The following GIT2 variants were observed in gnomAD, a reference collection of about 807,000 sequenced individuals.
The protein encoded by GIT2 is ARF GTPase-activating protein GIT2.
In GIT2, 32 loss-of-function variants were observed where a neutral mutation model predicts 100.3. The observed-to-expected ratio is 0.32, with a 90% CI of 0.24 to 0.43. GIT2 has a LOEUF of 0.43. Ranked by LOEUF, GIT2 falls within the 20% of genes least tolerant of loss-of-function variation. The probability of loss-of-function intolerance (pLI) is 1.00; values close to 1 mark genes in which losing one functional copy is unlikely to be tolerated. For missense variants in GIT2, 737 were observed against 975.1 expected (o/e 0.76, Z 3.25); for synonymous variants, 353 against 364.1 (o/e 0.97, Z 0.35).
At chr12:109,952,661 C>CT in intron 13 of GIT2, 1 of 517,042 alleles carries the variant, frequency 1.9e-6, no homozygotes, top group Non-Finnish European at 3.9e-6. Context: ...AAGAGCTGTC[C>CT]TATGACACAG....
chr12:109,938,755 G>A lies in GIT2; in HGVS notation c.1815-187C>T, dbSNP rs1403202409. 1.8e-5 allele frequency: 10 copies of A among 541,900 alleles called. No individual in the cohort carries two copies. The East Asian group carries it at 2.4e-4, about 13-fold the overall frequency. The allele number at this position is 541,900 out of a possible 1,614,324, so 33.6% of individuals were successfully genotyped here. On this transcript the variant is annotated intron_variant, in intron 17 of 19. Transcript: ENST00000355312. ...GGCTATTTCACTCTACCATAGGGCTGGAAGTGTTGACTCTCACAGGAAGGG... is the reference window on the plus strand; with the variant it reads ...GGCTATTTCACTCTACCATAGGGCTAGAAGTGTTGACTCTCACAGGAAGGG...
upstream of GIT2, chr12:109,999,634 C>T (rs1889834813): frequency 6.9e-7 from 1 of 1,439,114 alleles, no homozygotes; most frequent in Admixed American, 2.3e-5. The surrounding 1 kb of genome is among the most constrained non-coding windows in gnomAD (Gnocchi z 4.3). Flanking sequence ...CGGGAGACCC[C>T]GCCGGGGCCG....
Position 109,951,267 on chromosome 12 carries a change from A to G in GIT2, c.1292T>C (p.Met431Thr). 1.9e-6 allele frequency: 3 copies of G among 1,611,972 alleles called. No individual in the cohort carries two copies. In the South Asian group the frequency reaches 3.3e-5, roughly 18 times the overall value. Residue 431 changes from methionine (M) to threonine (T), a missense_variant, in exon 14 of 20, where the codon ATG becomes ACG. Physicochemically the swap from Met to Thr is moderately conservative, Grantham distance 81. Around this residue, in one of 3 missense-constraint regions of GIT2, gnomAD observed 451 missense variants for 543.7 expected, o/e 0.83. Coordinates refer to ENST00000355312, the MANE Select transcript of GIT2 (RefSeq NM_057169.5). The stretch of plus-strand genomic sequence containing the variant: ...AGCCACTAGAGCGTTTTTGACCTCC[A>G]TAAATTCCTGTACAGTGACTGGTCC... ...SDGPVTVQEF[M>T]EVKNALVASE... is the part of the protein sequence containing the mutation.
At chr12:109,965,969 G>GTGGGAGGA (rs1882242622) in intron 8 of GIT2, among the ~76,000 whole-genome samples, 1 of 151,214 alleles carries the variant, frequency 6.6e-6, no homozygotes, top group Non-Finnish European at 1.5e-5. Flanking sequence ...GGAGGCCGAG[G>GTGGGAGGA]TGGGAGGATC....
intron 1 of GIT2, 35 bp downstream of exon 1, chr12:109,996,138 A>G (rs1223734433): frequency 7.1e-7 from 1 of 1,401,234 alleles, no homozygotes. Context: ...GGGCCAGGAA[A>G]GCAGAGGGGA....
rs767880313 is a variant in GIT2, at chr12:109,945,299, G to A, written c.1692C>T (p.Pro564=). ...CGTCCCTCGACCAGGAAAGTGTGGA[G>A]GGGAAGGAAGGCAGAGATGAAGAGG... ...VTSSSSLPSF[P]STLSWSRDES... The change falls in exon 16 of 20, where the codon CCC becomes CCT. Residue 564 remains proline, a synonymous_variant. Coordinates refer to ENST00000355312, the MANE Select transcript of GIT2 (RefSeq NM_057169.5). 11 of 1,587,686 alleles carry A rather than the reference G, an allele frequency of 6.9e-6. No individual in the cohort carries two copies. The highest frequency in any genetic ancestry group is 1.1e-5 in the South Asian group (1 of 90,454).
At chr12:109,985,886 G>A (rs1740727787) in intron 4 of GIT2, among the ~76,000 whole-genome samples, 1 of 149,584 alleles carries the variant, frequency 6.7e-6, no homozygotes, top group Non-Finnish European at 1.5e-5. Context: ...ACACACACTA[G>A]CCAGGCTTGG....
At chr12:109,968,337 A>AT (rs112370559) in intron 7 of GIT2, among the ~76,000 whole-genome samples, 1,829 of 144,880 alleles carry the variant, frequency 0.013, 90 homozygotes, top group Admixed American at 0.09. Flanking sequence ...TCTTCATGTG[A>AT]TTTTTTTTTT....
intron 7 of GIT2, among the ~76,000 whole-genome samples, chr12:109,977,940 T>C (rs567540364): frequency 6.6e-6 from 1 of 152,316 alleles, no homozygotes; most frequent in Admixed American, 6.5e-5. Flanking sequence ...CCTGGCTGCT[T>C]TCAAGATGTT....
rs1028405909 is a variant in GIT2 at position 109,931,715 on chromosome 12, G to T, written c.*1263C>A. 2 of 152,298 alleles carry T rather than the reference G, an allele frequency of 1.3e-5. No homozygotes were observed. Among genetic ancestry groups the T allele is most frequent in the African/African-American group, 4.8e-5 (2 of 41,452 alleles). The allele number at this position is 152,298 out of a possible 1,614,324, so 9.4% of individuals were successfully genotyped here. A position where few individuals can be genotyped will look rare whatever the true frequency, so the allele number is the denominator to read the frequency against. ...AGGGTCTGAACCACACACACAGAAT[G>T]GCTGCAGTAAGCAGGAACGGGAAGA... On this transcript the variant is annotated 3_prime_UTR_variant, in exon 20 of 20. Transcript: ENST00000355312.
intron 7 of GIT2, among the ~76,000 whole-genome samples, chr12:109,975,598 G>A (rs936473866): frequency 6.6e-6 from 1 of 151,912 alleles, no homozygotes; most frequent in Non-Finnish European, 1.5e-5. Flanking sequence ...CTATTGATAT[G>A]TACGGACTTA....
In GIT2 at chr12:109,996,356, G is replaced by A. The variant is rs2137046831; in HGVS notation, c.-132C>T. 1 of 615,626 alleles carries A rather than the reference G, an allele frequency of 1.6e-6. No individual in the cohort carries two copies. The highest frequency in any genetic ancestry group is 2.8e-6 in the Non-Finnish European group (1 of 362,588). The allele number at this position is 615,626 out of a possible 1,614,324, so 38.1% of individuals were successfully genotyped here. Reference sequence around the variant, plus strand: ...GCGGCGCCTCTCCCCTCAGCGCCTTGCAGCCTTGGCACAGCACGCACGCGC... The same window carrying A: ...GCGGCGCCTCTCCCCTCAGCGCCTTACAGCCTTGGCACAGCACGCACGCGC... On this transcript the variant is annotated 5_prime_UTR_variant, in exon 1 of 20. Transcript: ENST00000355312.
At chr12:109,952,755 G>T (rs1878257561) in intron 13 of GIT2, 2 of 458,052 alleles carry the variant, frequency 4.4e-6, no homozygotes, top group African/African-American at 2.0e-5. Context: ...ACATCACTTT[G>T]TGCCTTCTCC....
In GIT2 at chr12:109,933,990, G is replaced by A; in HGVS notation, c.2067+32C>T. The A allele has an allele frequency of 8.4e-7, 1 of 1,184,848 alleles. No homozygotes were observed. The highest frequency in any genetic ancestry group is 1.3e-6 in the Non-Finnish European group (1 of 787,776). The allele number at this position is 1,184,848 out of a possible 1,614,324, so 73.4% of individuals were successfully genotyped here. A position where few individuals can be genotyped will look rare whatever the true frequency, so the allele number is the denominator to read the frequency against. ...AAATTTCTTGCTGTTCATTTAAAAG[G>A]ATTTAAACCAAGTGAGTAGGAAGTG... is the stretch of plus-strand genomic sequence containing the variant. On this transcript the variant is annotated intron_variant, in intron 19 of 19. Transcript: ENST00000355312. The surrounding 1 kb of genome is among the most constrained non-coding windows in gnomAD (Gnocchi z 4.5).
intron 7 of GIT2, among the ~76,000 whole-genome samples, chr12:109,979,116 G>A (rs974179964): frequency 1.3e-5 from 2 of 152,156 alleles, no homozygotes; most frequent in Non-Finnish European, 2.9e-5. Flanking sequence ...AACCTGTGCT[G>A]CCACTGCTGC....
chr12:109,961,128 C>T, intron 11 of GIT2, 150 bp downstream of exon 11: 2 of 509,826 alleles, frequency 3.9e-6, no homozygotes, highest in South Asian at 3.2e-5. Flanking sequence ...TATTGTTTTT[C>T]TTATCAATTT....
At chr12:109,957,375 A>G (rs774906431) in intron 12 of GIT2, among the ~76,000 whole-genome samples, 5 of 152,110 alleles carry the variant, frequency 3.3e-5, no homozygotes, top group Non-Finnish European at 5.9e-5. Flanking sequence ...CAGATGCCCA[A>G]TCCTCCAGTC....
At chr12:109,975,771 CTTTT>C (rs770898259) in intron 7 of GIT2, among the ~76,000 whole-genome samples, 1 of 121,384 alleles carries the variant, frequency 8.2e-6, no homozygotes. Flanking sequence ...TCTTTGTAGT[CTTTT>C]TTTTTTTTTT....
At chr12:109,941,360 G>A (rs1874629198) in intron 16 of GIT2, among the ~76,000 whole-genome samples, 1 of 152,114 alleles carries the variant, frequency 6.6e-6, no homozygotes, top group African/African-American at 2.4e-5. Flanking sequence ...TTGCTGCCTT[G>A]TTTTGATCTG....
Sources: allele counts gnomAD v4.1 joint callset (sites outside exome capture counted in the v4.1 genomes callset), GRCh38; gene constraint gnomAD v4.1.1; regional missense constraint gnomAD v4.1.1; non-coding constraint Gnocchi (gnomAD v3.1); transcripts MANE v1.5; gene names NCBI Gene and HGNC (gene_info 2026-07-23, HGNC 2026-07-21).